Variants in GPATCH2L observed in about 807,000 individuals in gnomAD.
The protein encoded by GPATCH2L is G patch domain-containing protein 2-like.
GPATCH2L carries 31 observed loss-of-function variants against 57.4 expected under a neutral mutation model. The ratio of observed to expected loss-of-function variants is 0.54; its 90% CI spans 0.41 to 0.73. The LOEUF (loss-of-function observed/expected upper bound fraction) is 0.73, where lower values mean the gene tolerates loss of function less well. GPATCH2L is among the 30% of genes least tolerant of loss of function. The pLI is 0.00. For synonymous variants in GPATCH2L, 199 were observed against 210.7 expected (o/e 0.94, Z 0.48); for missense variants, 481 against 599.9 (o/e 0.80, Z 2.07).
rs1300805268 is a variant in GPATCH2L at position 76,205,350 on chromosome 14, A to G, written c.*3499A>G. ...GTACCAGATTTGGAGGGGGCTGAGTATAATTTTTACTGAGTGGTATGTGGT... is the reference window on the plus strand; with the variant it reads ...GTACCAGATTTGGAGGGGGCTGAGTGTAATTTTTACTGAGTGGTATGTGGT... On this transcript the variant is annotated 3_prime_UTR_variant, in exon 10 of 10. Transcript: ENST00000261530. The G allele has an allele frequency of 6.6e-6, 1 of 152,216 alleles. No homozygotes were observed. The allele number at this position is 152,216 out of a possible 1,614,324, so 9.4% of individuals were successfully genotyped here. A position where few individuals can be genotyped will look rare whatever the true frequency, so the allele number is the denominator to read the frequency against.
intron 6 of GPATCH2L, among the ~76,000 whole-genome samples, chr14:76,177,445 T>C (rs2039375418): frequency 6.6e-6 from 1 of 151,790 alleles, no homozygotes; most frequent in South Asian, 2.1e-4. Flanking sequence ...GACAGCCTTG[T>C]CCCCTAAAAT....
At chr14:76,173,175 C>A (rs2039164994) in intron 4 of GPATCH2L, among the ~76,000 whole-genome samples, 1 of 152,140 alleles carries the variant, frequency 6.6e-6, no homozygotes, top group African/African-American at 2.4e-5. Flanking sequence ...TTTTGACGTA[C>A]AAACTAACAT....
chr14:76,200,163 A>G (rs1285887898), intron 9 of GPATCH2L, among the ~76,000 whole-genome samples: 1 of 152,166 alleles, frequency 6.6e-6, no homozygotes, highest in African/African-American at 2.4e-5. Context: ...GCCAGGGGCT[A>G]GGGGAAGAGG....
intron 5 of GPATCH2L, chr14:76,176,200 C>T (rs2039318285): frequency 6.4e-6 from 1 of 155,758 alleles, no homozygotes; most frequent in Non-Finnish European, 1.4e-5. Flanking sequence ...TTGGTAATGT[C>T]CCAGGATGAA....
intron 8 of GPATCH2L, among the ~76,000 whole-genome samples, chr14:76,183,596 C>A (rs11851969): frequency 0.21 from 31,285 of 151,912 alleles, 3,563 homozygotes; most frequent in African/African-American, 0.3. Flanking sequence ...GAGGGTGCAC[C>A]TCAATAAAGC....
chr14:76,178,145 G>A (rs574487154), intron 7 of GPATCH2L, 103 bp downstream of exon 7: 1 of 1,270,386 alleles, frequency 7.9e-7, no homozygotes, highest in Non-Finnish European at 1.1e-6. Context: ...CTCTTTGTAG[G>A]TTCAACTGTG....
intron 2 of GPATCH2L, among the ~76,000 whole-genome samples, chr14:76,232,402 C>T (rs1389858421): frequency 1.3e-5 from 2 of 152,102 alleles, no homozygotes; most frequent in Non-Finnish European, 2.9e-5. Flanking sequence ...TGGGTTCAAG[C>T]GATTCTCCTG....
chr14:76,159,316 T>G (rs141664582), intron 2 of GPATCH2L, among the ~76,000 whole-genome samples: 3,930 of 152,354 alleles, frequency 0.026, 84 homozygotes, highest in Non-Finnish European at 0.038. Context: ...TCTTCAAAGA[T>G]TCATTCTTTC....
chr14:76,176,790 C>A, intron 6 of GPATCH2L, 100 bp downstream of exon 6: 1 of 770,118 alleles, frequency 1.3e-6, no homozygotes, highest in South Asian at 1.5e-5. Flanking sequence ...CTTCAGAGTT[C>A]AAAGAGATCT....
At chr14:76,180,894 T>G (rs574083173) in intron 8 of GPATCH2L, 45 bp downstream of exon 8, 1 of 1,067,492 alleles carries the variant, frequency 9.4e-7, no homozygotes, top group East Asian at 2.4e-5. Context: ...GACAATACTA[T>G]ATTCCTTTCT....
intron 1 of GPATCH2L, among the ~76,000 whole-genome samples, chr14:76,228,621 G>T (rs2040546792): frequency 6.6e-6 from 1 of 152,174 alleles, no homozygotes; most frequent in African/African-American, 2.4e-5. Flanking sequence ...TCTCAGCACA[G>T]CCCGTAGACT....
intron 8 of GPATCH2L, among the ~76,000 whole-genome samples, chr14:76,192,753 A>G (rs2040020108): frequency 6.6e-6 from 1 of 152,150 alleles, no homozygotes; most frequent in African/African-American, 2.4e-5. Flanking sequence ...TAGAAAGGAA[A>G]TAGTCCACAA....
intron 2 of GPATCH2L, among the ~76,000 whole-genome samples, chr14:76,232,225 A>G (rs1365982036): frequency 6.6e-6 from 1 of 152,168 alleles, no homozygotes; most frequent in South Asian, 2.1e-4. Context: ...ATGTTAATAT[A>G]TATTTTTATA....
At chr14:76,229,195 A>T (rs997186471) in intron 1 of GPATCH2L, among the ~76,000 whole-genome samples, 50 of 152,240 alleles carry the variant, frequency 3.3e-4, no homozygotes, top group Non-Finnish European at 5.4e-4. Context: ...ATGGCAGCTT[A>T]GGAGTGGCGT....
chr14:76,153,014 G>A (rs1484659701), intron 1 of GPATCH2L: 2 of 337,726 alleles, frequency 5.9e-6, no homozygotes, highest in East Asian at 1.6e-4. Context: ...AAAGAACTTG[G>A]TCTTGTTTAA....
intron 8 of GPATCH2L, among the ~76,000 whole-genome samples, chr14:76,190,275 C>T (rs1399759547): frequency 6.6e-6 from 1 of 152,086 alleles, no homozygotes; most frequent in Non-Finnish European, 1.5e-5. Context: ...AAAGAATCCT[C>T]TTTCCATTAA....
chr14:76,201,238 G>C (rs2040303461), intron 9 of GPATCH2L, among the ~76,000 whole-genome samples: 2 of 152,066 alleles, frequency 1.3e-5, no homozygotes, highest in African/African-American at 2.4e-5. Context: ...CTTGAATCTT[G>C]ATATTTAACC....
rs75876913 is a variant in GPATCH2L at position 76,210,651 on chromosome 14, T to G, written c.*8800T>G. ...AAAGTCAATGAAATTTTGCAGATCT[T>G]GCAAACCTGTGGCAATAAGAAGGTA... On this transcript the variant is annotated 3_prime_UTR_variant, in exon 10 of 10. Coordinates refer to ENST00000261530, the MANE Select transcript of GPATCH2L (RefSeq NM_017926.4). 3,368 of 152,314 alleles carry G rather than the reference T, an allele frequency of 0.022. 76 individuals are homozygous for G. The highest frequency in any genetic ancestry group is 0.077 in the South Asian group (371 of 4,824). 9.4% of individuals were successfully genotyped at this position (152,314 alleles called of 1,614,324 possible).
intron 2 of GPATCH2L, among the ~76,000 whole-genome samples, chr14:76,230,867 T>G (rs1043503086): frequency 3.3e-5 from 5 of 152,232 alleles, no homozygotes; most frequent in Non-Finnish European, 5.9e-5. Flanking sequence ...TATTACCCGT[T>G]TCATGGTAAA....
Sources: gnomAD v4.1 joint callset for allele counts (sites outside exome capture counted in the v4.1 genomes callset) on GRCh38, gnomAD v4.1.1 for gene constraint, MANE v1.5 for transcripts, NCBI Gene and HGNC (gene_info 2026-07-23, HGNC 2026-07-21) for gene names.